Variants in UNC13C observed in about 807,000 individuals in gnomAD.
The protein encoded by UNC13C is unc-13 homolog C, also known as protein unc-13 homolog C.
A neutral mutation model predicts 245.4 loss-of-function variants in UNC13C; 174 were observed. That is an observed-to-expected ratio of 0.71 (90% confidence interval 0.63 to 0.80). The LOEUF (loss-of-function observed/expected upper bound fraction) is 0.80. Ranked by LOEUF, UNC13C falls within the 30% of genes least tolerant of loss-of-function variation. UNC13C has a pLI of 0.00. For missense variants in UNC13C, 2,829 were observed against 2,602.9 expected (o/e 1.09, Z -1.89); for synonymous variants, 992 against 895.1 (o/e 1.11, Z -1.93).
At chr15:53,961,767 A>G in the UNC13C span, among the ~76,000 whole-genome samples, 58 of 152,366 alleles carry the variant, frequency 3.8e-4, no homozygotes, top group African/African-American at 1.3e-3. Flanking sequence ...CCTATTTACC[A>G]CACACATATG....
At chr15:54,198,702 C>A (rs1323269430) in intron 4 of UNC13C, among the ~76,000 whole-genome samples, 2 of 152,128 alleles carry the variant, frequency 1.3e-5, no homozygotes, top group East Asian at 1.9e-4. Context: ...GACAAAAGAT[C>A]TGAACAGCAG....
intron 4 of UNC13C, among the ~76,000 whole-genome samples, chr15:54,180,510 T>C (rs903981249): frequency 6.6e-5 from 10 of 152,086 alleles, no homozygotes; most frequent in African/African-American, 2.2e-4. Context: ...CTTTTGGTTA[T>C]ATACCCAGTA....
chr15:54,271,983 A>G (rs1334493271), intron 10 of UNC13C, among the ~76,000 whole-genome samples: 1 of 152,238 alleles, frequency 6.6e-6, no homozygotes, highest in East Asian at 1.9e-4. Context: ...TGACTTAAAG[A>G]GTGATTCCAC....
At chr15:53,922,199 G>A in the UNC13C span, among the ~76,000 whole-genome samples, 1 of 152,190 alleles carries the variant, frequency 6.6e-6, no homozygotes, top group Non-Finnish European at 1.5e-5. Flanking sequence ...TAACCCACTA[G>A]CTAAGTGACT....
intron 4 of UNC13C, among the ~76,000 whole-genome samples, chr15:54,212,395 T>C (rs983674344): frequency 2.6e-5 from 4 of 152,102 alleles, no homozygotes; most frequent in Admixed American, 6.6e-5. Flanking sequence ...GTTCAGATGA[T>C]TCTTATCTAA....
At chr15:54,549,718 T>C (rs1441010896) in intron 28 of UNC13C, 27 bp downstream of exon 28, 1 of 1,491,554 alleles carries the variant, frequency 6.7e-7, no homozygotes, top group Admixed American at 1.8e-5. Flanking sequence ...AATTACTTAT[T>C]CATGGAAAGT....
intron 4 of UNC13C, among the ~76,000 whole-genome samples, chr15:54,219,832 G>A (rs1402176645): frequency 6.6e-6 from 1 of 151,486 alleles, no homozygotes; most frequent in East Asian, 1.9e-4. Context: ...GCAGCCAAAA[G>A]ACACATGAAA....
At chr15:54,331,953 T>C (rs1303819394) in intron 14 of UNC13C, 90 bp from the exon 15 acceptor site, 39 of 791,692 alleles carry the variant, frequency 4.9e-5, no homozygotes, top group Non-Finnish European at 7.1e-5. Flanking sequence ...CCTTCCTTTC[T>C]ATAAAATAGA....
chr15:54,294,072 T>G lies in UNC13C; in HGVS notation c.3988+8T>G. 6.7e-7 allele frequency: 1 copy of G among 1,500,604 alleles called. No homozygotes were observed. Among genetic ancestry groups the G allele is most frequent in the Non-Finnish European group, 8.9e-7 (1 of 1,129,182 alleles). 93.0% of individuals were successfully genotyped at this position (1,500,604 alleles called of 1,614,324 possible). On this transcript the variant is annotated splice_region_variant and intron_variant, in intron 11 of 32. Transcript: ENST00000260323. ...ATGTCTGGTACAACTTAGGTGATTT[T>G]TTTTTTTATCTACTTGAAAACGAGT...
At chr15:54,472,347 G>A (rs941589788) in intron 19 of UNC13C, among the ~76,000 whole-genome samples, 6 of 151,552 alleles carry the variant, frequency 4.0e-5, no homozygotes, top group African/African-American at 1.5e-4. Flanking sequence ...TAACAGTTTT[G>A]CCTTTTAAAC....
rs117030523 is a variant in UNC13C, at chr15:54,324,590, A to T, written c.4425+2495A>T. On this transcript the variant is annotated intron_variant, in intron 14 of 32. Transcript: ENST00000260323. ...AATTGGATGACAGTGATTTTTTTTTAAAATGTGATTTTATCGCACCATTGC... is the reference window on the plus strand; with the variant it reads ...AATTGGATGACAGTGATTTTTTTTTTAAATGTGATTTTATCGCACCATTGC... Among the ~76,000 whole-genome samples, 107 of 151,924 alleles carry T rather than the reference A, an allele frequency of 7.0e-4. 4 individuals are homozygous for T. The highest frequency in any genetic ancestry group is 3.1e-3 in the East Asian group (16 of 5,126).
chr15:53,855,278 T>C, the UNC13C span, among the ~76,000 whole-genome samples: 15 of 152,218 alleles, frequency 9.9e-5, 1 homozygote, highest in East Asian at 2.3e-3. Flanking sequence ...TATTTGAATA[T>C]GCTTTATTTC....
chr15:54,614,295 C>T (rs1596679429), intron 30 of UNC13C, among the ~76,000 whole-genome samples: 1 of 151,912 alleles, frequency 6.6e-6, no homozygotes, highest in Non-Finnish European at 1.5e-5. Context: ...CCCAAACTCC[C>T]AAGACTTTCA....
At chr15:54,449,714 G>A (rs1230715031) in intron 19 of UNC13C, among the ~76,000 whole-genome samples, 1 of 152,118 alleles carries the variant, frequency 6.6e-6, no homozygotes, top group Admixed American at 6.5e-5. Flanking sequence ...TTTGCAATGG[G>A]TTCAAACTTC....
chr15:54,024,938 TA>T (rs71425779), intron 2 of UNC13C, among the ~76,000 whole-genome samples: 1 of 151,650 alleles, frequency 6.6e-6, no homozygotes, highest in Non-Finnish European at 1.5e-5. Flanking sequence ...TAAAAAATAA[TA>T]AAAAAATGCT....
In UNC13C at chr15:54,268,708, A is replaced by G. The variant is rs150140919; in HGVS notation, c.3818+3212A>G. ...TAATGAAGGCAAGACTCTTCAGCAT[A>G]CTCTTCCTACTAACTCATGAATTAG... On this transcript the variant is annotated intron_variant, in intron 10 of 32. Coordinates refer to ENST00000260323, the MANE Select transcript of UNC13C (RefSeq NM_001080534.3). 1.3e-3 allele frequency among the ~76,000 whole-genome samples: 201 copies of G among 152,030 alleles called. 5 individuals are homozygous for G. Among genetic ancestry groups the G allele is most frequent in the African/African-American group, 4.5e-3 (188 of 41,440 alleles).
At chr15:54,448,194 C>G (rs1890940929) in intron 19 of UNC13C, among the ~76,000 whole-genome samples, 1 of 152,104 alleles carries the variant, frequency 6.6e-6, no homozygotes, top group African/African-American at 2.4e-5. Context: ...TTACTTCCAA[C>G]TATGTGGTCA....
chr15:54,017,252 C>A (rs1895702675), intron 2 of UNC13C, among the ~76,000 whole-genome samples: 2 of 151,870 alleles, frequency 1.3e-5, no homozygotes, highest in Non-Finnish European at 2.9e-5. Flanking sequence ...TAGTTCTCAA[C>A]TATATTTAAA....
the UNC13C span, among the ~76,000 whole-genome samples, chr15:53,917,491 G>T: frequency 6.6e-6 from 1 of 152,222 alleles, no homozygotes; most frequent in Non-Finnish European, 1.5e-5. Context: ...AGTGATCGTT[G>T]ATTGTCATTT....
Sources: allele counts gnomAD v4.1 joint callset (sites outside exome capture counted in the v4.1 genomes callset), GRCh38; gene constraint gnomAD v4.1.1; transcripts MANE v1.5; gene names NCBI Gene and HGNC (gene_info 2026-07-23, HGNC 2026-07-21).